Variants in ZNF664 observed in about 807,000 individuals in gnomAD.
ZNF664 encodes zinc finger protein 664.
ZNF664 carries 10 observed loss-of-function variants against 18.2 expected under a neutral mutation model. That is an observed-to-expected ratio of 0.55 (90% CI 0.34 to 0.93). The LOEUF is 0.93. ZNF664 is among the 40% of genes least tolerant of loss of function. The pLI is 0.02. For missense variants in ZNF664, 193 were observed against 319.0 expected, an observed-to-expected ratio of 0.61 and a Z score of 3.01; for synonymous variants, 119 against 104.2, an observed-to-expected ratio of 1.14 and a Z score of -0.86.
At chr12:123,981,262 A>G (rs895050311) in intron 2 of ZNF664, among the ~76,000 whole-genome samples, 3 of 152,094 alleles carry the variant, frequency 2.0e-5, no homozygotes, top group Admixed American at 6.6e-5. Flanking sequence ...CTCATTTACT[A>G]TAGTTGGGAA....
chr12:123,973,743 C>T, intron 1 of ZNF664, 143 bp from the exon 2 acceptor site: 1 of 1,215,912 alleles, frequency 8.2e-7, no homozygotes, highest in Non-Finnish European at 1.0e-6. Context: ...AGGGGGAGCG[C>T]TGCCGCCCTC....
In ZNF664 at chr12:124,014,790, A is replaced by G. The variant is rs1362641640; in HGVS notation, c.*1860A>G. 3 of 166,254 alleles carry G rather than the reference A, an allele frequency of 1.8e-5. No homozygotes were observed. Among genetic ancestry groups the G allele is most frequent in the Non-Finnish European group, 2.9e-5 (2 of 68,120 alleles). The allele number at this position is 166,254 out of a possible 1,614,324, so 10.3% of individuals were successfully genotyped here. A position where few individuals can be genotyped will look rare whatever the true frequency, so the allele number is the denominator to read the frequency against. Reference sequence around the variant, plus strand: ...AAACCTCAGCGCATAAAGGAGATTTAAAAGGAGCACATGATTTAGTGGGTG... The same window carrying G: ...AAACCTCAGCGCATAAAGGAGATTTGAAAGGAGCACATGATTTAGTGGGTG... On this transcript the variant is annotated 3_prime_UTR_variant, in exon 5 of 5. Transcript: ENST00000337815.
At chr12:123,984,202 G>A (rs1157824245) in intron 2 of ZNF664, among the ~76,000 whole-genome samples, 2 of 152,342 alleles carry the variant, frequency 1.3e-5, no homozygotes, top group Middle Eastern at 3.4e-3. Context: ...GTGTTTACAA[G>A]AGCTTGCCCG....
intron 3 of ZNF664, among the ~76,000 whole-genome samples, chr12:124,010,702 AC>A (rs1479012962): frequency 6.6e-6 from 1 of 152,240 alleles, no homozygotes; most frequent in Non-Finnish European, 1.5e-5. Flanking sequence ...CATGGCACTT[AC>A]ATCCTAGTAC....
At chr12:124,005,259 C>G (rs1230640644) in intron 3 of ZNF664, among the ~76,000 whole-genome samples, 3 of 152,178 alleles carry the variant, frequency 2.0e-5, no homozygotes, top group Admixed American at 1.3e-4. Context: ...TTTTGCTGTT[C>G]TTATTTTGTC....
At chr12:123,974,059 C>G in intron 2 of ZNF664, 39 bp downstream of exon 2, 12 of 1,046,450 alleles carry the variant, frequency 1.1e-5, no homozygotes, top group Non-Finnish European at 1.3e-5. Context: ...CCCTCTGACT[C>G]CCGCCTCCGC....
intron 3 of ZNF664, among the ~76,000 whole-genome samples, 177 bp downstream of exon 3, chr12:123,988,315 A>C (rs547761225): frequency 1.3e-5 from 2 of 152,338 alleles, no homozygotes; most frequent in South Asian, 4.1e-4. Flanking sequence ...TGGATTCCCC[A>C]GATCTTGGAC....
rs1317810872 is a variant in ZNF664, at chr12:124,015,328, T to G, written c.*2398T>G. 1 of 167,046 alleles carries G rather than the reference T, an allele frequency of 6.0e-6. No homozygotes were observed. The allele number at this position is 167,046 out of a possible 1,614,324, so 10.3% of individuals were successfully genotyped here. On this transcript the variant is annotated 3_prime_UTR_variant, in exon 5 of 5. Transcript: ENST00000337815. ...GACTAACCCTTTTGAAGCTACTAATTTTATGTCGAGCTTTAAAGTCCATAA... is the reference window on the plus strand; with the variant it reads ...GACTAACCCTTTTGAAGCTACTAATGTTATGTCGAGCTTTAAAGTCCATAA...
intron 2 of ZNF664, among the ~76,000 whole-genome samples, chr12:123,974,899 G>C (rs1956668997): frequency 6.6e-6 from 1 of 152,184 alleles, no homozygotes; most frequent in Admixed American, 6.5e-5. Flanking sequence ...GCTGGTGGTG[G>C]TTCTCTGATG....
intron 2 of ZNF664, among the ~76,000 whole-genome samples, chr12:123,980,224 G>GT (rs1336419060): frequency 1.3e-5 from 2 of 152,114 alleles, no homozygotes. Flanking sequence ...GGGGAGACTG[G>GT]TTTTTCATAT....
In ZNF664 at chr12:124,002,794, CA is replaced by C. The variant is rs202042969; in HGVS notation, c.-660-8586del. ...GTGCCTTTCAGCAGAGATTATGGAG[CA>C]GTCCAGGGCTAGAGATAAAAATGGG... On this transcript the variant is annotated intron_variant, in intron 3 of 4. Coordinates refer to ENST00000337815, the MANE Select transcript of ZNF664 (RefSeq NM_152437.3). 9.7e-3 allele frequency among the ~76,000 whole-genome samples: 1,470 copies of C among 152,230 alleles called. 10 individuals are homozygous for C. The highest frequency in any genetic ancestry group is 0.016 in the Non-Finnish European group (1,122 of 68,016).
intron 3 of ZNF664, among the ~76,000 whole-genome samples, chr12:124,001,908 T>G (rs1055808815): frequency 7.9e-5 from 12 of 152,212 alleles, no homozygotes; most frequent in African/African-American, 2.2e-4. Context: ...TTCACAAATT[T>G]CATAAATTCT....
At position 124,001,498 on chromosome 12, in the gene ZNF664, C is replaced by A. The variant is rs940972457; in HGVS notation, c.-660-9883C>A. On this transcript the variant is annotated intron_variant, in intron 3 of 4. Transcript: ENST00000337815. ...TGTTCTGTCCCGTGCTTGCCTCCTG[C>A]CCCTCACCATGGTCCTCCACGCATG... 5.9e-5 allele frequency among the ~76,000 whole-genome samples: 9 copies of A among 152,186 alleles called. 1 individual carries two copies. Among genetic ancestry groups the A allele is most frequent in the Non-Finnish European group, 1.2e-4 (8 of 68,032 alleles).
intron 3 of ZNF664, 177 bp from the exon 4 acceptor site, chr12:124,011,204 T>A (rs1957132793): frequency 1.3e-6 from 1 of 744,018 alleles, no homozygotes; most frequent in Non-Finnish European, 1.6e-6. Flanking sequence ...TCATTGTTGT[T>A]CCTTTTTACA....
chr12:123,994,180 C>T (rs961325435), intron 3 of ZNF664, among the ~76,000 whole-genome samples: 1 of 150,140 alleles, frequency 6.7e-6, no homozygotes, highest in Non-Finnish European at 1.5e-5. Context: ...CATAAGTGGT[C>T]ATCTTACAGT....
chr12:123,996,110 T>TA (rs1203613777), intron 3 of ZNF664, among the ~76,000 whole-genome samples: 1 of 152,240 alleles, frequency 6.6e-6, no homozygotes, highest in South Asian at 2.1e-4. Context: ...TCCCTGTACT[T>TA]ACCAGGCAGG....
intron 1 of ZNF664, 183 bp from the exon 2 acceptor site, chr12:123,973,703 C>T: frequency 1.8e-6 from 2 of 1,081,104 alleles, no homozygotes; most frequent in Non-Finnish European, 2.3e-6. Flanking sequence ...GACTCCCGAG[C>T]CAGGCTCCAT....
intron 3 of ZNF664, among the ~76,000 whole-genome samples, chr12:123,998,029 T>C (rs1036664915): frequency 6.6e-6 from 1 of 152,012 alleles, no homozygotes; most frequent in East Asian, 1.9e-4. Context: ...AGCCAAAGAG[T>C]GTTCCCTGTT....
At chr12:123,982,855 C>G (rs1004993605) in intron 2 of ZNF664, among the ~76,000 whole-genome samples, 3 of 150,792 alleles carry the variant, frequency 2.0e-5, no homozygotes, top group Non-Finnish European at 4.4e-5. Flanking sequence ...TCTTTCAGCC[C>G]AGGTTGAAAG....
Sources: gnomAD v4.1 joint callset for allele counts (sites outside exome capture counted in the v4.1 genomes callset) on GRCh38, gnomAD v4.1.1 for gene constraint, MANE v1.5 for transcripts, NCBI Gene and HGNC (gene_info 2026-07-23, HGNC 2026-07-21) for gene names.